Variants in CFAP74 observed in about 807,000 individuals in gnomAD.
CFAP74 encodes cilia- and flagella-associated protein 74.
Under a neutral mutation model 188.9 loss-of-function variants are expected in CFAP74, and 124 were observed. That is an observed-to-expected ratio of 0.66 (90% CI 0.57 to 0.76). CFAP74 has a LOEUF of 0.76. Ranked by LOEUF, CFAP74 falls within the 30% of genes least tolerant of loss-of-function variation. CFAP74 has a pLI of 0.00. For synonymous variants in CFAP74, 956 were observed against 916.7 expected (o/e 1.04, Z -0.77); for missense variants, 2,198 against 2,165.2 (o/e 1.02, Z -0.30).
Position 1,922,025 on chromosome 1 carries a change from G to T in CFAP74, c.*262C>A. 1 of 489,618 alleles carries T rather than the reference G, an allele frequency of 2.0e-6. No homozygotes were observed. Among genetic ancestry groups the T allele is most frequent in the South Asian group, 2.5e-5 (1 of 40,360 alleles). 30.3% of individuals were successfully genotyped at this position (489,618 alleles called of 1,614,324 possible). A position where few individuals can be genotyped will look rare whatever the true frequency, so the allele number is the denominator to read the frequency against. On this transcript the variant is annotated 3_prime_UTR_variant, in exon 39 of 39. Coordinates refer to ENST00000682832, the MANE Select transcript of CFAP74 (RefSeq NM_001304360.2). ...CCTGGGGGCTGGGGGCTCTGAGGGGGTCTGGCTAGGATGGCTGAGGGCTGG... is the reference window on the plus strand; with the variant it reads ...CCTGGGGGCTGGGGGCTCTGAGGGGTTCTGGCTAGGATGGCTGAGGGCTGG...
intron 1 of CFAP74, among the ~76,000 whole-genome samples, chr1:2,000,928 C>T (rs1475603527): frequency 6.6e-6 from 1 of 152,150 alleles, no homozygotes; most frequent in Admixed American, 6.5e-5. Context: ...GACAGAGGCC[C>T]GCCTGATGCT....
chr1:2,003,543 C>T (rs1331035049), intron 1 of CFAP74, among the ~76,000 whole-genome samples, 158 bp downstream of exon 1: 1 of 152,176 alleles, frequency 6.6e-6, no homozygotes, highest in Non-Finnish European at 1.5e-5. Flanking sequence ...CCGGGGTTCC[C>T]TGAAACGAAC....
intron 26 of CFAP74, 75 bp from the exon 27 acceptor site, chr1:1,928,957 C>A (rs753808548): frequency 2.0e-6 from 2 of 990,666 alleles, no homozygotes; most frequent in Admixed American, 4.4e-5. Context: ...GGCACTCTAC[C>A]GTCCTCTGCC....
chr1:1,923,619 G>C lies in CFAP74; in HGVS notation c.4390-120C>G. On this transcript the variant is annotated intron_variant, in intron 35 of 38. Transcript: ENST00000682832. The surrounding 1 kb of genome is among the most constrained non-coding windows in gnomAD (Gnocchi z 6.3). Reference sequence around the variant, plus strand: ...CGGCCTGGGGGCCCCGTGGGGCCCTGGACTCTGGTCTTTCCACTGACGGCC... The same window carrying C: ...CGGCCTGGGGGCCCCGTGGGGCCCTCGACTCTGGTCTTTCCACTGACGGCC... The C allele has an allele frequency of 2.0e-6, 3 of 1,517,372 alleles. No homozygotes were observed. The South Asian group carries it at 3.7e-5, about 19-fold the overall frequency. 94.0% of individuals were successfully genotyped at this position (1,517,372 alleles called of 1,614,324 possible). A position where few individuals can be genotyped will look rare whatever the true frequency, so the allele number is the denominator to read the frequency against.
rs1278494570 is a variant in CFAP74, at chr1:2,003,461, TTA to T, written c.-20+238_-20+239del. ...TTTGTTTAATGTTTTTGTAAATGTG[TTA>T]TAATAATACTTTATTATAACATCTG... On this transcript the variant is annotated intron_variant, in intron 1 of 38. Transcript: ENST00000682832. Among the ~76,000 whole-genome samples the T allele has an allele frequency of 6.6e-5, 10 of 152,340 alleles. No homozygotes were observed. The East Asian group carries it at 1.9e-3, about 29-fold the overall frequency.
At chr1:1,950,263 C>T (rs776412989) in intron 18 of CFAP74, among the ~76,000 whole-genome samples, 5 of 151,686 alleles carry the variant, frequency 3.3e-5, no homozygotes, top group Non-Finnish European at 5.9e-5. Flanking sequence ...TGATGTTGAG[C>T]GTCTTTTCAT....
chr1:1,923,417 G>A lies in CFAP74; in HGVS notation c.4472C>T (p.Pro1491Leu). 1 of 1,600,726 alleles carries A rather than the reference G, an allele frequency of 6.2e-7. No homozygotes were observed. The highest frequency in any genetic ancestry group is 8.5e-7 in the Non-Finnish European group (1 of 1,174,940). The change falls in exon 36 of 39, where the codon CCC becomes CTC. Residue 1491 changes from proline to leucine, a missense_variant. Coordinates refer to ENST00000682832, the MANE Select transcript of CFAP74 (RefSeq NM_001304360.2). The surrounding 1 kb of genome is among the most constrained non-coding windows in gnomAD (Gnocchi z 6.3). Reference sequence around the variant, plus strand: ...AGGGATCGCTGTCAGAGACTCCACGGGCACGTCCAGGGGGTCGCCGCCCTC... The same window carrying A: ...AGGGATCGCTGTCAGAGACTCCACGAGCACGTCCAGGGGGTCGCCGCCCTC... ...FVEGGDPLDV[P>L]VESLTAIPVF...
intron 22 of CFAP74, among the ~76,000 whole-genome samples, chr1:1,940,835 G>C (rs112268480): frequency 6.6e-6 from 1 of 152,324 alleles, no homozygotes; most frequent in South Asian, 2.1e-4. Flanking sequence ...GAAAAGGGCC[G>C]GGCACGGTGG....
In CFAP74 at chr1:1,959,183, G is replaced by A; in HGVS notation, c.1788C>T (p.Ile596=). 2 of 1,611,372 alleles carry A rather than the reference G, an allele frequency of 1.2e-6. No homozygotes were observed. Among genetic ancestry groups the A allele is most frequent in the Non-Finnish European group, 1.7e-6 (2 of 1,177,742 alleles). The part of the protein sequence containing the change: ...PMINKDLEGN[I]SFLAQTGEFS... The stretch of plus-strand genomic sequence containing the variant: ...ACTCGCCCGTCTGAGCCAAAAATGA[G>A]ATATTTCCTTCTAGATCCTTGTTTA... Residue 596 remains isoleucine, a synonymous_variant, in exon 16 of 39, where the codon ATC becomes ATT. Coordinates refer to ENST00000682832, the MANE Select transcript of CFAP74 (RefSeq NM_001304360.2).
Position 1,961,233 on chromosome 1 carries a change from T to C in CFAP74, c.1695-1203A>G, listed in dbSNP as rs1558030300. Among the ~76,000 whole-genome samples the C allele has an allele frequency of 2.0e-5, 3 of 152,082 alleles. 1 individual carries two copies. The South Asian group carries it at 6.2e-4, about 32-fold the overall frequency. On this transcript the variant is annotated intron_variant, in intron 14 of 38. Coordinates refer to ENST00000682832, the MANE Select transcript of CFAP74 (RefSeq NM_001304360.2). Reference sequence around the variant, plus strand: ...CGGAGAATGAATGGGGGAGGGGCGATGCCTGGGGAGCTGGGGCTGAGAAGT... The same window carrying C: ...CGGAGAATGAATGGGGGAGGGGCGACGCCTGGGGAGCTGGGGCTGAGAAGT...
At chr1:1,971,153 ACCTGGACACACATGCAC>A (rs1171025128) in intron 9 of CFAP74, among the ~76,000 whole-genome samples, 5 of 149,144 alleles carry the variant, frequency 3.4e-5, no homozygotes, top group African/African-American at 1.3e-4. Context: ...GCACATGCAC[ACCTGGACACACATGCAC>A]ACCTGCACAC....
At chr1:1,960,690 C>G (rs530050275) in intron 14 of CFAP74, among the ~76,000 whole-genome samples, 1 of 152,334 alleles carries the variant, frequency 6.6e-6, no homozygotes, top group South Asian at 2.1e-4. Context: ...AAATGTGTCC[C>G]TGGCTGGCAA....
At chr1:1,970,099 G>C (rs574704846) in intron 10 of CFAP74, among the ~76,000 whole-genome samples, 1 of 152,350 alleles carries the variant, frequency 6.6e-6, no homozygotes, top group Non-Finnish European at 1.5e-5. Context: ...GGGTCCGAGA[G>C]GGCAACATGG....
intron 1 of CFAP74, among the ~76,000 whole-genome samples, chr1:1,993,916 A>C (rs949223608): frequency 6.6e-6 from 1 of 150,982 alleles, no homozygotes; most frequent in Non-Finnish European, 1.5e-5. Context: ...CGGGAGGCGG[A>C]GCTTGCAGTG....
chr1:1,940,028 C>T (rs972053671), intron 23 of CFAP74, among the ~76,000 whole-genome samples: 7 of 152,214 alleles, frequency 4.6e-5, no homozygotes, highest in Admixed American at 6.5e-5. Flanking sequence ...CACACATGGG[C>T]GCATAGACGT....
chr1:1,939,234 G>A (rs1269477900), intron 24 of CFAP74, among the ~76,000 whole-genome samples: 1 of 152,266 alleles, frequency 6.6e-6, no homozygotes, highest in Non-Finnish European at 1.5e-5. Flanking sequence ...GTGCTGGGGG[G>A]AGAGAGAGGG....
chr1:1,985,993 G>A (rs943082461), intron 5 of CFAP74, among the ~76,000 whole-genome samples: 2 of 152,230 alleles, frequency 1.3e-5, no homozygotes, highest in African/African-American at 2.4e-5. Context: ...CAGAGGTCCC[G>A]GCCATGTGGA....
intron 12 of CFAP74, among the ~76,000 whole-genome samples, chr1:1,965,911 G>A (rs1023322479): frequency 6.6e-6 from 1 of 152,268 alleles, no homozygotes; most frequent in Non-Finnish European, 1.5e-5. Flanking sequence ...TGCAGAGACC[G>A]TGTCTTGCTG....
intron 18 of CFAP74, chr1:1,954,851 GCCC>G: frequency 8.7e-7 from 1 of 1,152,290 alleles, no homozygotes. Context: ...GCAGGCATGA[GCCC>G]CAGCCAGGTG....
Sources: allele counts gnomAD v4.1 joint callset (sites outside exome capture counted in the v4.1 genomes callset), GRCh38; gene constraint gnomAD v4.1.1; non-coding constraint Gnocchi (gnomAD v3.1); transcripts MANE v1.5; gene names NCBI Gene and HGNC (gene_info 2026-07-23, HGNC 2026-07-21).